The following SIPA1L2 variants were observed in gnomAD, a reference collection of about 807,000 sequenced individuals.
The protein encoded by SIPA1L2 is signal induced proliferation associated 1 like 2, also known as signal-induced proliferation-associated 1-like protein 2.
SIPA1L2 carries 56 observed loss-of-function variants against 163.9 expected under a neutral mutation model. The observed-to-expected ratio is 0.34, with a 90% confidence interval of 0.28 to 0.43. The LOEUF (loss-of-function observed/expected upper bound fraction) is 0.43, where lower values mean the gene tolerates loss of function less well. SIPA1L2 is among the 20% of genes least tolerant of loss of function. The probability of loss-of-function intolerance (pLI) is 1.00; values close to 1 mark genes in which losing one functional copy is unlikely to be tolerated. For synonymous variants in SIPA1L2, 877 were observed against 865.7 expected (o/e 1.01, Z -0.23); for missense variants, 1,974 against 2,193.5 (o/e 0.90, Z 2.00).
chr1:232,562,932 C>G lies in SIPA1L2; in HGVS notation c.-270+11242G>C, dbSNP rs531971167. ...ACACCTGCAAGCTGTGTCGAGAGAA[C>G]CCAGGCATGGAAGGAGAGCTGTGTA... On this transcript the variant is annotated intron_variant, in intron 2 of 22. Transcript: ENST00000674635. Among the ~76,000 whole-genome samples, 14 of 152,308 alleles carry G rather than the reference C, an allele frequency of 9.2e-5. No individual in the cohort carries two copies. In the South Asian group the frequency reaches 2.7e-3, roughly 29 times the overall value.
chr1:232,619,546 A>G (rs1275871255), intron 1 of SIPA1L2, among the ~76,000 whole-genome samples: 1 of 152,234 alleles, frequency 6.6e-6, no homozygotes, highest in Non-Finnish European at 1.5e-5. Context: ...AAGTTTAACT[A>G]GAAGAACACT....
intron 19 of SIPA1L2, among the ~76,000 whole-genome samples, chr1:232,413,648 C>G (rs1350089992): frequency 1.3e-5 from 2 of 152,204 alleles, no homozygotes; most frequent in Non-Finnish European, 2.9e-5. Context: ...CTCCTTGTTA[C>G]TAGCGCTTCT....
intron 2 of SIPA1L2, among the ~76,000 whole-genome samples, chr1:232,538,909 T>C (rs1657474011): frequency 6.6e-6 from 1 of 152,236 alleles, no homozygotes. Context: ...GAATATCATG[T>C]TCTTTTTTCT....
chr1:232,497,419 A>G (rs903507667), intron 3 of SIPA1L2, among the ~76,000 whole-genome samples: 6 of 152,158 alleles, frequency 3.9e-5, no homozygotes, highest in Admixed American at 3.9e-4. Flanking sequence ...GACAGACGCC[A>G]TGACCATTTC....
Position 232,404,161 on chromosome 1 carries a change from C to T in SIPA1L2, c.4780G>A (p.Glu1594Lys). Residue 1594 changes from glutamate (E) to lysine (K), a missense_variant, in exon 20 of 23, where the codon GAA becomes AAA. This residue lies in a region of SIPA1L2 where 1,079 missense variants were observed against 1,150.7 expected (regional missense o/e 0.94). Transcript: ENST00000674635. ...RAFEGLDSDE[E>K]LGLLCHHTSY... is the part of the protein sequence containing the mutation. ...GTGTGGTGACAGAGCAGCCCCAGTT[C>T]TTCATCTGAGTCAAGACCTGAAATA... 1 of 1,614,048 alleles carries T rather than the reference C, an allele frequency of 6.2e-7. No individual in the cohort carries two copies. The highest frequency in any genetic ancestry group is 8.5e-7 in the Non-Finnish European group (1 of 1,180,000).
intron 2 of SIPA1L2, among the ~76,000 whole-genome samples, chr1:232,527,530 G>A (rs546482868): frequency 6.6e-6 from 1 of 152,026 alleles, no homozygotes; most frequent in Non-Finnish European, 1.5e-5. Flanking sequence ...TGCTAAATAT[G>A]AAAAGGAAAC....
intron 1 of SIPA1L2, among the ~76,000 whole-genome samples, chr1:232,622,543 C>T (rs1255107817): frequency 6.6e-6 from 1 of 152,230 alleles, no homozygotes; most frequent in African/African-American, 2.4e-5. Flanking sequence ...TCAAATAGGG[C>T]TATGCAGGCA....
At chr1:232,586,386 C>T (rs188936767) in intron 1 of SIPA1L2, among the ~76,000 whole-genome samples, 30 of 152,270 alleles carry the variant, frequency 2.0e-4, no homozygotes, top group Admixed American at 1.7e-3. Flanking sequence ...AGTTCATCAT[C>T]GCCACAGTTA....
At chr1:232,602,199 G>C (rs772201041) in intron 1 of SIPA1L2, among the ~76,000 whole-genome samples, 1 of 152,202 alleles carries the variant, frequency 6.6e-6, no homozygotes, top group Non-Finnish European at 1.5e-5. Flanking sequence ...CAACCTGGAT[G>C]AGAGGTGAGG....
At chr1:232,493,713 C>A in intron 3 of SIPA1L2, 53 bp from the exon 4 acceptor site, 2 of 1,603,866 alleles carry the variant, frequency 1.2e-6, no homozygotes, top group Middle Eastern at 1.7e-4. Flanking sequence ...GAACAAAGAG[C>A]AGGATGGATA....
At chr1:232,546,015 C>T (rs1267245801) in intron 2 of SIPA1L2, among the ~76,000 whole-genome samples, 3 of 152,174 alleles carry the variant, frequency 2.0e-5, no homozygotes, top group African/African-American at 7.2e-5. Flanking sequence ...AATCAGCAAC[C>T]ATGTTGTCAT....
rs1271303384 is a variant in SIPA1L2, at chr1:232,490,904, T to G, written c.1776A>C (p.Ser592=). The change falls in exon 5 of 23, where the codon TCA becomes TCC. Residue 592 remains serine, a synonymous_variant. Transcript: ENST00000674635. ...LRQASNSPKV[S]EQLLKLDEQG... ...GTTCATCAAGCTTGAGCAGCTGCTCTGAGACCTTGGGTGAGTTGGAAGCCT... is the reference window on the plus strand; with the variant it reads ...GTTCATCAAGCTTGAGCAGCTGCTCGGAGACCTTGGGTGAGTTGGAAGCCT... The G allele has an allele frequency of 6.2e-7, 1 of 1,613,972 alleles. No homozygotes were observed. The highest frequency in any genetic ancestry group is 1.7e-5 in the Admixed American group (1 of 60,010).
intron 18 of SIPA1L2, among the ~76,000 whole-genome samples, chr1:232,424,165 C>A (rs566882209): frequency 6.6e-6 from 1 of 151,826 alleles, no homozygotes; most frequent in Admixed American, 6.6e-5. Context: ...CACATAGGTT[C>A]ATCGATTATA....
At chr1:232,404,249 A>C in intron 19 of SIPA1L2, 71 bp from the exon 20 acceptor site, 2 of 1,432,884 alleles carry the variant, frequency 1.4e-6, no homozygotes, top group South Asian at 2.4e-5. Context: ...GGGGGCCCAC[A>C]AAATGCGGCT....
chr1:232,589,700 C>G (rs2102824500), intron 1 of SIPA1L2, among the ~76,000 whole-genome samples: 1 of 152,330 alleles, frequency 6.6e-6, no homozygotes, highest in Middle Eastern at 3.4e-3. Flanking sequence ...TGCTTTTCAG[C>G]TGATCTTCCC....
chr1:232,448,729 C>T (rs1158516561), intron 10 of SIPA1L2, among the ~76,000 whole-genome samples: 1 of 152,146 alleles, frequency 6.6e-6, no homozygotes, highest in Non-Finnish European at 1.5e-5. Context: ...AAGCACCAAG[C>T]ACTGCAAAAG....
chr1:232,439,833 T>C (rs1662785863), intron 14 of SIPA1L2, among the ~76,000 whole-genome samples: 2 of 152,292 alleles, frequency 1.3e-5, no homozygotes, highest in South Asian at 4.1e-4. Flanking sequence ...GGGAAATTAA[T>C]ATAAGGAAGA....
chr1:232,612,909 G>A (rs574454372), intron 1 of SIPA1L2, among the ~76,000 whole-genome samples: 2 of 151,122 alleles, frequency 1.3e-5, no homozygotes, highest in Admixed American at 1.3e-4. Context: ...ATCTTGAATT[G>A]TACTCCCATA....
intron 8 of SIPA1L2, 89 bp downstream of exon 8, chr1:232,471,282 T>A (rs989704441): frequency 7.2e-7 from 1 of 1,387,950 alleles, no homozygotes. Context: ...AAGTTGCAAA[T>A]AATAATTGGC....
Sources: allele counts gnomAD v4.1 joint callset (sites outside exome capture counted in the v4.1 genomes callset), GRCh38; gene constraint gnomAD v4.1.1; regional missense constraint gnomAD v4.1.1; transcripts MANE v1.5; gene names NCBI Gene and HGNC (gene_info 2026-07-23, HGNC 2026-07-21).